CNTN1: variants seen among roughly 807,000 people sequenced by gnomAD.
CNTN1 encodes contactin-1.
Under a neutral mutation model 126.4 loss-of-function variants are expected in CNTN1, and 38 were observed. The observed-to-expected ratio is 0.30, with a 90% CI of 0.23 to 0.39. The LOEUF (loss-of-function observed/expected upper bound fraction) is 0.39. Among genes scored for constraint, CNTN1 ranks in the 10% least tolerant of loss-of-function variants. The pLI is 1.00. For synonymous variants in CNTN1, 413 were observed against 422.6 expected (o/e 0.98, Z 0.28); for missense variants, 1,009 against 1,248.4 (o/e 0.81, Z 2.89).
intron 5 of CNTN1, among the ~76,000 whole-genome samples, chr12:40,924,003 A>G (rs193042991): frequency 1.1e-3 from 161 of 152,034 alleles, no homozygotes; most frequent in South Asian, 9.5e-3. Context: ...TTCCAAATAC[A>G]TAGAAAAGAG....
chr12:40,814,990 C>G (rs1941211427), intron 1 of CNTN1, among the ~76,000 whole-genome samples: 1 of 152,090 alleles, frequency 6.6e-6, no homozygotes, highest in Non-Finnish European at 1.5e-5. Flanking sequence ...ATTTGGCTCT[C>G]TGTTGGTCTG....
At position 40,888,938 on chromosome 12, in the gene CNTN1, C is replaced by A. The variant is rs555758665; in HGVS notation, c.-76-19419C>A. The stretch of plus-strand genomic sequence containing the variant: ...TAAAGAACACAGCCTTGCTTCCCCT[C>A]CTGCCACTCGGTTCACTCCACAGCG... On this transcript the variant is annotated intron_variant, in intron 1 of 23. Coordinates refer to ENST00000551295, the MANE Select transcript of CNTN1 (RefSeq NM_001843.4). 2.0e-5 allele frequency among the ~76,000 whole-genome samples: 3 copies of A among 152,384 alleles called. No individual in the cohort carries two copies. In the South Asian group the frequency reaches 6.2e-4, roughly 32 times the overall value.
At chr12:40,884,964 T>A (rs1943980067) in intron 1 of CNTN1, among the ~76,000 whole-genome samples, 1 of 151,852 alleles carries the variant, frequency 6.6e-6, no homozygotes, top group Admixed American at 6.6e-5. Context: ...ATTTGATTTT[T>A]ATATTTTGAC....
At chr12:40,793,494 G>A (rs900530635) in intron 1 of CNTN1, among the ~76,000 whole-genome samples, 10 of 150,894 alleles carry the variant, frequency 6.6e-5, no homozygotes, top group Non-Finnish European at 1.2e-4. Context: ...GGTTGTATAT[G>A]TAATGTGGAA....
intron 1 of CNTN1, among the ~76,000 whole-genome samples, chr12:40,905,540 T>C (rs1411923555): frequency 6.6e-6 from 1 of 152,174 alleles, no homozygotes; most frequent in Admixed American, 6.5e-5. Flanking sequence ...TAACAGTTTA[T>C]TATTACACAA....
chr12:40,957,507 T>A (rs1946932676), intron 14 of CNTN1, among the ~76,000 whole-genome samples: 1 of 151,322 alleles, frequency 6.6e-6, no homozygotes, highest in Non-Finnish European at 1.5e-5. Context: ...AAACTAACTT[T>A]ACTAGGTAAG....
At chr12:41,042,144 T>A (rs1226425556) in intron 23 of CNTN1, among the ~76,000 whole-genome samples, 1 of 152,152 alleles carries the variant, frequency 6.6e-6, no homozygotes, top group Non-Finnish European at 1.5e-5. Flanking sequence ...TCAAAGAACA[T>A]CTTTATTTCT....
At chr12:40,784,402 C>A (rs560968300) in intron 1 of CNTN1, among the ~76,000 whole-genome samples, 1 of 152,092 alleles carries the variant, frequency 6.6e-6, no homozygotes, top group Admixed American at 6.6e-5. Context: ...TATATACAGG[C>A]AATGCAATGA....
intron 1 of CNTN1, among the ~76,000 whole-genome samples, chr12:40,778,106 C>A (rs953378280): frequency 4.0e-5 from 6 of 151,826 alleles, no homozygotes; most frequent in Admixed American, 6.6e-5. Context: ...GAACAGTCAT[C>A]CTATTTTTTT....
intron 23 of CNTN1, among the ~76,000 whole-genome samples, chr12:41,041,507 T>C (rs1295942523): frequency 6.6e-6 from 1 of 152,186 alleles, no homozygotes; most frequent in Non-Finnish European, 1.5e-5. Context: ...TTTCTCCTTG[T>C]ACCTCTGGTA....
rs183370996 is a variant in CNTN1 at position 40,743,838 on chromosome 12, G to A, written c.-77+51246G>A. 1.5e-3 allele frequency among the ~76,000 whole-genome samples: 229 copies of A among 152,132 alleles called. 1 individual carries two copies. Among genetic ancestry groups the A allele is most frequent in the African/African-American group, 5.4e-3 (223 of 41,516 alleles). On this transcript the variant is annotated intron_variant, in intron 1 of 23. Coordinates refer to ENST00000551295, the MANE Select transcript of CNTN1 (RefSeq NM_001843.4). ...TGCTTTGGTTGCAATTGCTTTTGAT[G>A]TTTTCATCATGAAATCTTTGCCTGT... is the stretch of plus-strand genomic sequence containing the variant.
chr12:40,984,944 T>A (rs1947917578), intron 16 of CNTN1, among the ~76,000 whole-genome samples: 1 of 152,084 alleles, frequency 6.6e-6, no homozygotes, highest in East Asian at 1.9e-4. Context: ...AAATAAGTAT[T>A]TATATCATCT....
intron 12 of CNTN1, 88 bp downstream of exon 12, chr12:40,939,573 A>G: frequency 6.7e-7 from 1 of 1,481,486 alleles, no homozygotes; most frequent in South Asian, 1.2e-5. Context: ...AATAATGAAA[A>G]TGTTTTTTGC....
intron 1 of CNTN1, among the ~76,000 whole-genome samples, chr12:40,696,696 A>G (rs1239500939): frequency 1.3e-5 from 2 of 152,204 alleles, no homozygotes; most frequent in African/African-American, 4.8e-5. Context: ...TTTCACTTCA[A>G]TAATATGAAT....
chr12:40,707,084 ACACACC>A (rs1435541306), intron 1 of CNTN1, among the ~76,000 whole-genome samples: 2 of 112,674 alleles, frequency 1.8e-5, no homozygotes, highest in East Asian at 2.3e-4. Context: ...ACACACACAC[ACACACC>A]CCTGCTCAGA....
intron 23 of CNTN1, among the ~76,000 whole-genome samples, chr12:41,042,279 G>T (rs1302706450): frequency 6.6e-6 from 1 of 152,138 alleles, no homozygotes; most frequent in Non-Finnish European, 1.5e-5. Context: ...TGGTCTGAGA[G>T]ACAGTTTGTT....
intron 1 of CNTN1, among the ~76,000 whole-genome samples, chr12:40,899,940 A>C (rs1944550240): frequency 6.6e-6 from 1 of 152,152 alleles, no homozygotes; most frequent in South Asian, 2.1e-4. Context: ...GTATCTTTTA[A>C]AAAAATTAAG....
At position 40,809,935 on chromosome 12, in the gene CNTN1, C is replaced by T. The variant is rs191057684; in HGVS notation, c.-76-98422C>T. 3.2e-3 allele frequency among the ~76,000 whole-genome samples: 494 copies of T among 152,162 alleles called. 2 individuals carry two copies. The highest frequency in any genetic ancestry group is 6.8e-3 in the Middle Eastern group (2 of 294). ...ATTGTTTTTAATAAAAATCAGGTGA[C>T]ACTAATCTCTATTGTTAGTCGTCAG... On this transcript the variant is annotated intron_variant, in intron 1 of 23. Coordinates refer to ENST00000551295, the MANE Select transcript of CNTN1 (RefSeq NM_001843.4).
intron 23 of CNTN1, among the ~76,000 whole-genome samples, chr12:41,040,459 G>A (rs183776934): frequency 6.6e-6 from 1 of 152,190 alleles, no homozygotes; most frequent in Admixed American, 6.6e-5. Flanking sequence ...GAGGAAATTA[G>A]GTCAAAGAGC....
Sources: gnomAD v4.1 joint callset for allele counts (sites outside exome capture counted in the v4.1 genomes callset) on GRCh38, gnomAD v4.1.1 for gene constraint, MANE v1.5 for transcripts, NCBI Gene and HGNC (gene_info 2026-07-23, HGNC 2026-07-21) for gene names.